SMYD3: variants seen among roughly 807,000 people sequenced by gnomAD.
SMYD3 encodes SET and MYND domain containing 3.
SMYD3 carries 36 observed loss-of-function variants against 57.7 expected under a neutral mutation model. The ratio of observed to expected loss-of-function variants is 0.62; its 90% CI spans 0.48 to 0.82. The LOEUF (loss-of-function observed/expected upper bound fraction) is 0.82. Among genes scored for constraint, SMYD3 ranks in the 40% least tolerant of loss-of-function variants. SMYD3 has a pLI of 0.00. For missense variants in SMYD3, 515 were observed against 538.8 expected, an observed-to-expected ratio of 0.96 and a Z score of 0.44; for synonymous variants, 211 against 195.0, an observed-to-expected ratio of 1.08 and a Z score of -0.68.
At chr1:245,791,417 T>A (rs969485268) in intron 10 of SMYD3, among the ~76,000 whole-genome samples, 3 of 152,148 alleles carry the variant, frequency 2.0e-5, no homozygotes, top group African/African-American at 7.2e-5. Context: ...AAACAGCATA[T>A]GGAAATGGCA....
intron 1 of SMYD3, among the ~76,000 whole-genome samples, chr1:246,467,182 T>A (rs2067894331): frequency 2.0e-5 from 3 of 151,902 alleles, no homozygotes; most frequent in Non-Finnish European, 4.4e-5. Context: ...AAAAAATAAA[T>A]AAATAAAATT....
chr1:245,917,287 C>T (rs1425813245), intron 7 of SMYD3, among the ~76,000 whole-genome samples: 1 of 152,226 alleles, frequency 6.6e-6, no homozygotes, highest in African/African-American at 2.4e-5. Flanking sequence ...CCTCCTTGAC[C>T]TCCCATGGAA....
At chr1:246,383,103 C>G (rs151042471) in intron 1 of SMYD3, among the ~76,000 whole-genome samples, 1 of 152,240 alleles carries the variant, frequency 6.6e-6, no homozygotes, top group Admixed American at 6.5e-5. Flanking sequence ...GGCCTGCCCA[C>G]CTATTGACCC....
chr1:245,939,189 G>A (rs1427720199), intron 5 of SMYD3, among the ~76,000 whole-genome samples: 1 of 151,802 alleles, frequency 6.6e-6, no homozygotes, highest in East Asian at 1.9e-4. Context: ...AAAAGAATGT[G>A]AAGAAAATAG....
intron 5 of SMYD3, among the ~76,000 whole-genome samples, chr1:246,104,988 C>A (rs911485075): frequency 1.3e-5 from 2 of 152,116 alleles, no homozygotes; most frequent in African/African-American, 2.4e-5. Flanking sequence ...AACACAGCAT[C>A]GGCAAGTGGG....
chr1:246,044,985 CACAA>C (rs1219692494), intron 5 of SMYD3, among the ~76,000 whole-genome samples: 2 of 152,202 alleles, frequency 1.3e-5, no homozygotes, highest in South Asian at 4.2e-4. Context: ...TAAAAGAGGA[CACAA>C]ACAAATGGAA....
At chr1:245,751,639 A>G (rs2045383255) in intron 11 of SMYD3, among the ~76,000 whole-genome samples, 1 of 152,056 alleles carries the variant, frequency 6.6e-6, no homozygotes, top group Non-Finnish European at 1.5e-5. Context: ...AGAGAGAGAA[A>G]GGGCCAGCGC....
At chr1:245,782,782 A>C (rs965168896) in intron 10 of SMYD3, among the ~76,000 whole-genome samples, 1 of 152,258 alleles carries the variant, frequency 6.6e-6, no homozygotes, top group Non-Finnish European at 1.5e-5. Flanking sequence ...AAAACACTTT[A>C]AAACTAGGGC....
At chr1:245,806,505 G>A (rs553688984) in intron 10 of SMYD3, among the ~76,000 whole-genome samples, 2 of 152,244 alleles carry the variant, frequency 1.3e-5, no homozygotes, top group South Asian at 2.1e-4. Flanking sequence ...ACCTGCCTCC[G>A]ATACCTGAAC....
At chr1:246,091,373 T>C (rs537503339) in intron 5 of SMYD3, among the ~76,000 whole-genome samples, 30 of 152,150 alleles carry the variant, frequency 2.0e-4, no homozygotes, top group African/African-American at 7.2e-4. Flanking sequence ...AACTTTCCTA[T>C]GTAGTTTCCT....
chr1:246,187,284 T>A (rs1344550926), intron 5 of SMYD3, among the ~76,000 whole-genome samples: 4 of 124,162 alleles, frequency 3.2e-5, no homozygotes, highest in African/African-American at 1.4e-4. Flanking sequence ...TGAGACTCTG[T>A]CTCAAAAAAA....
chr1:245,799,689 A>C (rs1437601851), intron 10 of SMYD3, among the ~76,000 whole-genome samples: 6 of 152,224 alleles, frequency 3.9e-5, no homozygotes, highest in Admixed American at 3.9e-4. Context: ...CTGGTAGAGG[A>C]GGCATCTGTC....
intron 8 of SMYD3, among the ~76,000 whole-genome samples, chr1:245,893,421 C>T (rs1448618759): frequency 6.6e-6 from 1 of 152,190 alleles, no homozygotes; most frequent in Admixed American, 6.5e-5. Context: ...TGAATGTTCA[C>T]AGTGGCTTTG....
chr1:246,245,462 A>C (rs12121062), intron 5 of SMYD3, among the ~76,000 whole-genome samples: 31,561 of 152,026 alleles, frequency 0.21, 3,999 homozygotes, highest in East Asian at 0.58. Flanking sequence ...ACAAACAAAA[A>C]ACAGAAATAC....
intron 1 of SMYD3, among the ~76,000 whole-genome samples, chr1:246,410,147 T>C (rs528651393): frequency 4.6e-4 from 70 of 152,296 alleles, no homozygotes; most frequent in Admixed American, 4.2e-3. Context: ...CTTTTCCTAA[T>C]TGAATGCCCT....
intron 1 of SMYD3, among the ~76,000 whole-genome samples, chr1:246,365,945 A>G (rs1297285301): frequency 6.6e-6 from 1 of 152,186 alleles, no homozygotes; most frequent in Non-Finnish European, 1.5e-5. Flanking sequence ...TGCCTTCCCT[A>G]GACCTGGCTC....
intron 10 of SMYD3, among the ~76,000 whole-genome samples, chr1:245,788,044 T>C (rs553242646): frequency 6.6e-6 from 1 of 152,176 alleles, no homozygotes; most frequent in African/African-American, 2.4e-5. Context: ...GCAAGGAGAA[T>C]GGTGAGCAGA....
intron 5 of SMYD3, among the ~76,000 whole-genome samples, chr1:246,023,696 C>T (rs534771665): frequency 1.6e-4 from 24 of 152,172 alleles, no homozygotes; most frequent in African/African-American, 3.9e-4. Context: ...AAAGACGGCA[C>T]GTTCAGGGGC....
At chr1:245,927,566 CT>C (rs200137889) in intron 7 of SMYD3, among the ~76,000 whole-genome samples, 1,910 of 152,294 alleles carry the variant, frequency 0.013, 13 homozygotes, top group African/African-American at 0.027. Context: ...ATGCCCCCCC[CT>C]GCCCACGGAA....
Sources: allele counts gnomAD v4.1 joint callset (sites outside exome capture counted in the v4.1 genomes callset), GRCh38; gene constraint gnomAD v4.1.1; transcripts MANE v1.5; gene names NCBI Gene and HGNC (gene_info 2026-07-23, HGNC 2026-07-21).